IFT122: variants seen among roughly 807,000 people sequenced by gnomAD.
The protein encoded by IFT122 is intraflagellar transport protein 122 homolog.
Under a neutral mutation model 161.6 loss-of-function variants are expected in IFT122, and 118 were observed. That is an observed-to-expected ratio of 0.73 (90% CI 0.63 to 0.85). The LOEUF is 0.85. IFT122 is among the 40% of genes least tolerant of loss of function. The pLI is 0.00. For synonymous variants in IFT122, 550 were observed against 602.4 expected, an observed-to-expected ratio of 0.91 and a Z score of 1.27; for missense variants, 1,381 against 1,579.6, an observed-to-expected ratio of 0.87 and a Z score of 2.13.
intron 1 of IFT122, among the ~76,000 whole-genome samples, chr3:129,441,545 T>C (rs1246570208): frequency 6.6e-6 from 1 of 152,104 alleles, no homozygotes; most frequent in Non-Finnish European, 1.5e-5. Context: ...CAGTGAGGGG[T>C]GGAACCAGCT....
rs528975353 is a variant in IFT122 at position 129,444,664 on chromosome 3, G to T, written c.41+4293G>T. Among the ~76,000 whole-genome samples the T allele has an allele frequency of 3.6e-3, 544 of 152,170 alleles. 1 individual carries two copies. Among genetic ancestry groups the T allele is most frequent in the Non-Finnish European group, 5.8e-3 (393 of 68,008 alleles). The stretch of plus-strand genomic sequence containing the variant: ...AGCCTCCCGAGTAGGTGGGACTACA[G>T]GTGTGCACCACCACGCCCAGCTAAT... On this transcript the variant is annotated intron_variant, in intron 1 of 29. Coordinates refer to ENST00000348417, the MANE Select transcript of IFT122 (RefSeq NM_052989.3).
chr3:129,480,897 G>C (rs980502737), intron 13 of IFT122, among the ~76,000 whole-genome samples: 3 of 152,062 alleles, frequency 2.0e-5, no homozygotes, highest in African/African-American at 7.2e-5. Flanking sequence ...AAAAACACCA[G>C]GGGTATTAAA....
At chr3:129,472,865 A>G (rs1317246942) in intron 9 of IFT122, among the ~76,000 whole-genome samples, 1 of 151,954 alleles carries the variant, frequency 6.6e-6, no homozygotes, top group Middle Eastern at 3.2e-3. Context: ...ATTTTTCTTA[A>G]GCTCATTCAG....
intron 9 of IFT122, among the ~76,000 whole-genome samples, chr3:129,475,955 A>G (rs1338102253): frequency 1.3e-5 from 2 of 152,238 alleles, no homozygotes; most frequent in African/African-American, 4.8e-5. Flanking sequence ...GAACCCATTG[A>G]ACTATAGGAA....
chr3:129,449,621 T>G, intron 1 of IFT122, among the ~76,000 whole-genome samples: 1 of 152,212 alleles, frequency 6.6e-6, no homozygotes, highest in East Asian at 1.9e-4. Context: ...CTTTGAATAA[T>G]TTCTTGTGTC....
chr3:129,510,591 G>A (rs2082712953), intron 23 of IFT122, among the ~76,000 whole-genome samples: 1 of 152,128 alleles, frequency 6.6e-6, no homozygotes, highest in Admixed American at 6.5e-5. Context: ...CCACTCCAGA[G>A]CCTGGCTCTC....
At chr3:129,517,072 G>GCA (rs201556067) in intron 26 of IFT122, among the ~76,000 whole-genome samples, 1 of 88,712 alleles carries the variant, frequency 1.1e-5, no homozygotes, top group Non-Finnish European at 2.2e-5. Context: ...GACTGCCCCT[G>GCA]CACACACACA....
chr3:129,486,832 A>G (rs1463988458), intron 15 of IFT122, among the ~76,000 whole-genome samples: 1 of 152,198 alleles, frequency 6.6e-6, no homozygotes, highest in Non-Finnish European at 1.5e-5. Flanking sequence ...GGATTTACCC[A>G]AAAAGTCACC....
At chr3:129,500,101 G>C in intron 19 of IFT122, 33 bp downstream of exon 19, 1 of 1,612,712 alleles carries the variant, frequency 6.2e-7, no homozygotes. Flanking sequence ...AGAAGCATTT[G>C]GCAGCATGTC....
chr3:129,512,849 C>T (rs184272485), intron 24 of IFT122: 8 of 246,786 alleles, frequency 3.2e-5, no homozygotes, highest in African/African-American at 1.1e-4. Flanking sequence ...GCAAAGCTGC[C>T]ATCAAAGAGG....
At chr3:129,511,747 T>C (rs973200465) in intron 23 of IFT122, among the ~76,000 whole-genome samples, 2 of 152,210 alleles carry the variant, frequency 1.3e-5, no homozygotes, top group Admixed American at 6.5e-5. Flanking sequence ...GTTGAGGAAC[T>C]CCGCATGTGT....
chr3:129,469,772 C>G (rs2077170510), intron 9 of IFT122, among the ~76,000 whole-genome samples: 1 of 152,174 alleles, frequency 6.6e-6, no homozygotes, highest in Non-Finnish European at 1.5e-5. Flanking sequence ...CCTTACTTTC[C>G]TCTATTCGCT....
intron 21 of IFT122, among the ~76,000 whole-genome samples, chr3:129,505,439 T>A (rs1356161591): frequency 6.6e-6 from 1 of 152,230 alleles, no homozygotes; most frequent in Non-Finnish European, 1.5e-5. Flanking sequence ...CTCTGCTGCT[T>A]CAGCATTTCC....
At chr3:129,440,436 T>C (rs2107776220) in intron 1 of IFT122, 65 bp downstream of exon 1, 1 of 1,536,274 alleles carries the variant, frequency 6.5e-7, no homozygotes, top group Non-Finnish European at 8.8e-7. Context: ...CGCGAGCCGC[T>C]GCAGCGTGTT....
chr3:129,518,072 G>A lies in IFT122; in HGVS notation c.3391+478G>A, dbSNP rs575546988. The stretch of plus-strand genomic sequence containing the variant: ...TCCTGGCCCAGCGCTCAGTCTGGTC[G>A]GTCACAGGCTGGCTCTGCCTCTCTT... On this transcript the variant is annotated intron_variant, in intron 27 of 29. Coordinates refer to ENST00000348417, the MANE Select transcript of IFT122 (RefSeq NM_052989.3). 5.9e-5 allele frequency among the ~76,000 whole-genome samples: 9 copies of A among 152,340 alleles called. No individual in the cohort carries two copies. The South Asian group carries it at 1.2e-3, about 21-fold the overall frequency.
chr3:129,516,501 CATGGAG>C, intron 26 of IFT122, among the ~76,000 whole-genome samples: 1 of 144,422 alleles, frequency 6.9e-6, no homozygotes, highest in Non-Finnish European at 1.5e-5. Context: ...TGCACACACA[CATGGAG>C]ACTGCCCCTG....
chr3:129,488,669 C>T lies in IFT122; in HGVS notation c.1992+272C>T, dbSNP rs146466111. ...GGGAGGATGCCTGTAAAGCCTGACC[C>T]AGGAGCAGCATGTCAGATTCTGGCT... is the stretch of plus-strand genomic sequence containing the variant. On this transcript the variant is annotated intron_variant, in intron 16 of 29. Coordinates refer to ENST00000348417, the MANE Select transcript of IFT122 (RefSeq NM_052989.3). 0.011 allele frequency among the ~76,000 whole-genome samples: 1,661 copies of T among 152,032 alleles called. 12 individuals are homozygous for T. Among genetic ancestry groups the T allele is most frequent in the South Asian group, 0.029 (139 of 4,774 alleles).
intron 16 of IFT122, among the ~76,000 whole-genome samples, chr3:129,489,589 T>G (rs959470759): frequency 5.3e-5 from 8 of 152,032 alleles, no homozygotes; most frequent in African/African-American, 1.9e-4. Context: ...CTGTAAATCC[T>G]AGCACTTTGG....
At chr3:129,516,444 CCA>C (rs1415608030) in intron 26 of IFT122, among the ~76,000 whole-genome samples, 5 of 82,760 alleles carry the variant, frequency 6.0e-5, no homozygotes, top group East Asian at 4.2e-4. Context: ...CTGCCCCTGC[CCA>C]CACACACAGA....
Sources: gnomAD v4.1 joint callset for allele counts (sites outside exome capture counted in the v4.1 genomes callset) on GRCh38, gnomAD v4.1.1 for gene constraint, MANE v1.5 for transcripts, NCBI Gene and HGNC (gene_info 2026-07-23, HGNC 2026-07-21) for gene names.